Variants in NHLRC2 observed in about 807,000 individuals in gnomAD.
NHLRC2 encodes the protein NHL repeat-containing protein 2.
In NHLRC2, 33 loss-of-function variants were observed where a neutral mutation model predicts 68.1. The observed-to-expected ratio is 0.48, with a 90% CI of 0.37 to 0.65. The LOEUF (loss-of-function observed/expected upper bound fraction) is 0.65. Among genes scored for constraint, NHLRC2 ranks in the 30% least tolerant of loss-of-function variants. NHLRC2 has a pLI of 0.00. For synonymous variants in NHLRC2, 311 were observed against 309.6 expected (o/e 1.00, Z -0.05); for missense variants, 761 against 853.8 (o/e 0.89, Z 1.35).
intron 2 of NHLRC2, among the ~76,000 whole-genome samples, chr10:113,859,134 CAG>C (rs1845791908): frequency 6.6e-6 from 1 of 152,010 alleles, no homozygotes; most frequent in Non-Finnish European, 1.5e-5. Flanking sequence ...CAAAATATAA[CAG>C]ATACTCTTTC....
rs1846212068 is a variant in NHLRC2 at position 113,899,754 on chromosome 10, T to C, written c.1139+1545T>C. On this transcript the variant is annotated intron_variant, in intron 6 of 10. Coordinates refer to ENST00000369301, the MANE Select transcript of NHLRC2 (RefSeq NM_198514.4). Reference sequence around the variant, plus strand: ...CAATATGGTGAAACCCCGTCTCTACTAAAAATAGAAAAAGTTAGCTGGGCG... The same window carrying C: ...CAATATGGTGAAACCCCGTCTCTACCAAAAATAGAAAAAGTTAGCTGGGCG... 2.0e-5 allele frequency among the ~76,000 whole-genome samples: 3 copies of C among 151,956 alleles called. No individual in the cohort carries two copies. The East Asian group carries it at 5.8e-4, about 29-fold the overall frequency.
chr10:113,865,748 A>C (rs891520341), intron 2 of NHLRC2, among the ~76,000 whole-genome samples: 1 of 152,156 alleles, frequency 6.6e-6, no homozygotes, highest in East Asian at 1.9e-4. Context: ...GTAATATGCT[A>C]CTATGTGAAA....
chr10:113,863,239 A>C (rs2134690493), intron 2 of NHLRC2, among the ~76,000 whole-genome samples: 1 of 152,316 alleles, frequency 6.6e-6, no homozygotes, highest in Non-Finnish European at 1.5e-5. Flanking sequence ...TAATTTCAAT[A>C]GATTTTTTTT....
chr10:113,879,739 A>C, intron 4 of NHLRC2, 44 bp downstream of exon 4: 1 of 1,230,814 alleles, frequency 8.1e-7, no homozygotes, highest in Non-Finnish European at 1.1e-6. Context: ...CAATCAGAAA[A>C]AGGAAATGTA....
intron 5 of NHLRC2, among the ~76,000 whole-genome samples, chr10:113,887,901 C>T (rs1846096634): frequency 2.0e-5 from 3 of 152,080 alleles, no homozygotes; most frequent in South Asian, 4.1e-4. Flanking sequence ...CACAGACAGA[C>T]AGATACTGTA....
rs143169506 is a variant in NHLRC2 at position 113,876,742 on chromosome 10, G to A, written c.553G>A (p.Asp185Asn). The A allele has an allele frequency of 2.7e-5, 43 of 1,612,778 alleles. 1 individual carries two copies. The African/African-American group carries it at 3.7e-4, about 14-fold the overall frequency. Residue 185 changes from aspartate to asparagine, a missense_variant, in exon 3 of 11, where the codon GAT (aspartate) becomes AAT (asparagine). Asp to Asn is a conservative substitution (Grantham distance 23). Coordinates refer to ENST00000369301, the MANE Select transcript of NHLRC2 (RefSeq NM_198514.4). ...TTCTTTGATTGGAGAGGGACACAAAGATAAATTATTTTTATATACTTCAAT... is the reference window on the plus strand; with the variant it reads ...TTCTTTGATTGGAGAGGGACACAAAAATAAATTATTTTTATATACTTCAAT... Reference protein sequence around the residue: ...LFSLIGEGHKDKLFLYTSIAL... With the variant: ...LFSLIGEGHKNKLFLYTSIAL...
At chr10:113,865,159 C>T (rs1845853681) in intron 2 of NHLRC2, among the ~76,000 whole-genome samples, 2 of 151,930 alleles carry the variant, frequency 1.3e-5, no homozygotes, top group Admixed American at 1.3e-4. Flanking sequence ...CCGTGTTAGC[C>T]AGGATGGTCT....
At chr10:113,874,024 C>CA (rs1335438070) in intron 2 of NHLRC2, among the ~76,000 whole-genome samples, 1 of 151,974 alleles carries the variant, frequency 6.6e-6, no homozygotes, top group Non-Finnish European at 1.5e-5. Flanking sequence ...TGGTAATGTA[C>CA]AAGTATTATG....
chr10:113,892,647 CTT>C (rs574676017), intron 5 of NHLRC2, among the ~76,000 whole-genome samples: 2 of 144,368 alleles, frequency 1.4e-5, no homozygotes, highest in Non-Finnish European at 3.1e-5. Flanking sequence ...TGCCAGCCCT[CTT>C]TTTTTTTTTT....
chr10:113,866,771 T>C (rs1845871881), intron 2 of NHLRC2, among the ~76,000 whole-genome samples: 1 of 151,392 alleles, frequency 6.6e-6, no homozygotes, highest in Admixed American at 6.6e-5. Flanking sequence ...CTTCACCAGG[T>C]TTGATAGTTT....
chr10:113,900,311 C>T (rs1290950458), intron 6 of NHLRC2, among the ~76,000 whole-genome samples: 1 of 152,132 alleles, frequency 6.6e-6, no homozygotes, highest in African/African-American at 2.4e-5. Flanking sequence ...ATGATAGTAG[C>T]CTGAACAGTG....
At position 113,901,678 on chromosome 10, in the gene NHLRC2, A is replaced by G; in HGVS notation, c.1152A>G (p.Lys384=). The G allele has an allele frequency of 6.2e-7, 1 of 1,613,436 alleles. No individual in the cohort carries two copies. Among genetic ancestry groups the G allele is most frequent in the Non-Finnish European group, 8.5e-7 (1 of 1,179,348 alleles). The change falls in exon 7 of 11, where the codon AAA becomes AAG. Residue 384 remains lysine, a synonymous_variant. Transcript: ENST00000369301. ...TTGTCTTTTTCAGTGAGTTAACAAA[A>G]GGAACCTGCCTTAGGTTTGCTGGAA... is the stretch of plus-strand genomic sequence containing the variant. ...GKLPKKNELT[K]GTCLRFAGSG...
chr10:113,870,059 G>A (rs1393313847), intron 2 of NHLRC2, among the ~76,000 whole-genome samples: 1 of 152,164 alleles, frequency 6.6e-6, no homozygotes, highest in Non-Finnish European at 1.5e-5. Context: ...CTGGGAACTA[G>A]ATGTGCTCAT....
In NHLRC2 at chr10:113,903,660, G is replaced by T; in HGVS notation, c.1628G>T (p.Gly543Val). 3 of 1,605,868 alleles carry T rather than the reference G, an allele frequency of 1.9e-6. No homozygotes were observed. The Middle Eastern group carries it at 5.0e-4, about 266-fold the overall frequency. ...GGAGGCTTGTGTATTGGAGAGAATG[G>T]AGAATTATTATATGTAGCAGACACC... ...EPGGLCIGEN[G>V]ELLYVADTNN... The change falls in exon 9 of 11, where the codon GGA becomes GTA. Residue 543 changes from glycine (G) to valine (V), a missense_variant. Gly to Val is a moderately radical substitution (Grantham distance 109). Coordinates refer to ENST00000369301, the MANE Select transcript of NHLRC2 (RefSeq NM_198514.4).
At chr10:113,855,466 G>GTT (rs1282722557) in intron 1 of NHLRC2, among the ~76,000 whole-genome samples, 2 of 150,058 alleles carry the variant, frequency 1.3e-5, no homozygotes, top group African/African-American at 4.9e-5. Context: ...CACACACAGG[G>GTT]TTTTTTTTTG....
Position 113,914,874 on chromosome 10 carries a change from C to A in NHLRC2, c.*6338C>A. ...ATAGTATTAAAAGTCAGAGGCTTTA[C>A]TAATCTACCTATATGTATTCCATGG... On this transcript the variant is annotated 3_prime_UTR_variant, in exon 11 of 11. Transcript: ENST00000369301. 1 of 380,912 alleles carries A rather than the reference C, an allele frequency of 2.6e-6. No homozygotes were observed. Among genetic ancestry groups the A allele is most frequent in the Admixed American group, 3.6e-5 (1 of 27,828 alleles). 23.6% of individuals were successfully genotyped at this position (380,912 alleles called of 1,614,324 possible).
At chr10:113,890,186 A>G (rs567667697) in intron 5 of NHLRC2, among the ~76,000 whole-genome samples, 4 of 152,326 alleles carry the variant, frequency 2.6e-5, no homozygotes, top group East Asian at 1.9e-4. Context: ...AGAACTTCTT[A>G]TGACACAGGT....
chr10:113,859,270 A>G (rs1845793010), intron 2 of NHLRC2, among the ~76,000 whole-genome samples: 1 of 152,174 alleles, frequency 6.6e-6, no homozygotes, highest in Non-Finnish European at 1.5e-5. Context: ...TTGGCTTTAG[A>G]AGTTTGAAAA....
chr10:113,899,037 G>T (rs1032517354), intron 6 of NHLRC2, among the ~76,000 whole-genome samples: 1 of 151,960 alleles, frequency 6.6e-6, no homozygotes, highest in African/African-American at 2.4e-5. Context: ...AGGCAGAACT[G>T]GCCATACTCT....
Sources: allele counts gnomAD v4.1 joint callset (sites outside exome capture counted in the v4.1 genomes callset), GRCh38; gene constraint gnomAD v4.1.1; transcripts MANE v1.5; gene names NCBI Gene and HGNC (gene_info 2026-07-23, HGNC 2026-07-21).